The following IMPACT variants were observed in gnomAD, a reference collection of about 807,000 sequenced individuals.
IMPACT encodes protein IMPACT.
A neutral mutation model predicts 47.5 loss-of-function variants in IMPACT; 35 were observed. The ratio of observed to expected loss-of-function variants is 0.74; its 90% CI spans 0.56 to 0.98. The LOEUF is 0.98. Among genes scored for constraint, IMPACT ranks in the 50% least tolerant of loss-of-function variants. The pLI is 0.00. For missense variants in IMPACT, 373 were observed against 394.8 expected (o/e 0.94, Z 0.47); for synonymous variants, 118 against 125.6 (o/e 0.94, Z 0.40).
intron 4 of IMPACT, among the ~76,000 whole-genome samples, chr18:24,433,978 A>G (rs570114458): frequency 6.6e-6 from 1 of 152,138 alleles, no homozygotes; most frequent in South Asian, 2.1e-4. Context: ...GCCTTTTGTG[A>G]CAACTTTTAA....
In IMPACT at chr18:24,452,752, A is replaced by C. The variant is rs1353371939; in HGVS notation, c.*1905A>C. 30 of 151,936 alleles carry C rather than the reference A, an allele frequency of 2.0e-4. No homozygotes were observed. Among genetic ancestry groups the C allele is most frequent in the Admixed American group, 1.8e-3 (27 of 15,240 alleles). 9.4% of individuals were successfully genotyped at this position (151,936 alleles called of 1,614,324 possible). ...AGATTTTTCAGTTCTCCATATAATAATTTTCTACAATCAGATCTATGCTGT... is the reference window on the plus strand; with the variant it reads ...AGATTTTTCAGTTCTCCATATAATACTTTTCTACAATCAGATCTATGCTGT... On this transcript the variant is annotated 3_prime_UTR_variant, in exon 11 of 11. Transcript: ENST00000284202.
chr18:24,445,349 C>A, intron 7 of IMPACT, 44 bp from the exon 8 acceptor site: 1 of 1,136,052 alleles, frequency 8.8e-7, no homozygotes, highest in Non-Finnish European at 1.3e-6. Context: ...ATTTACAGAG[C>A]AAATATAAAA....
intron 1 of IMPACT, 164 bp downstream of exon 1, chr18:24,426,956 T>G: frequency 2.1e-6 from 1 of 476,240 alleles, no homozygotes; most frequent in Non-Finnish European, 3.3e-6. Context: ...GCGCTTCCCG[T>G]CGGCCGAGCG....
intron 4 of IMPACT, among the ~76,000 whole-genome samples, chr18:24,436,326 C>T (rs1458668338): frequency 6.6e-6 from 1 of 151,944 alleles, no homozygotes; most frequent in Non-Finnish European, 1.5e-5. Context: ...CTCACTTCAG[C>T]CTCCAAACTT....
chr18:24,435,956 A>G (rs546996596), intron 4 of IMPACT, among the ~76,000 whole-genome samples: 18 of 151,588 alleles, frequency 1.2e-4, no homozygotes, highest in Non-Finnish European at 1.9e-4. Flanking sequence ...AAAACCAATT[A>G]AAGTTTTCTG....
chr18:24,434,872 G>A (rs1025776211), intron 4 of IMPACT, among the ~76,000 whole-genome samples: 4 of 114,270 alleles, frequency 3.5e-5, no homozygotes, highest in African/African-American at 3.9e-5. Flanking sequence ...ATATATATGT[G>A]TATATATATG....
intron 8 of IMPACT, among the ~76,000 whole-genome samples, chr18:24,446,081 T>C (rs1419753817): frequency 1.3e-5 from 2 of 152,076 alleles, no homozygotes; most frequent in Non-Finnish European, 2.9e-5. Context: ...AAAGGTTTTG[T>C]TTTATTTTGG....
intron 7 of IMPACT, among the ~76,000 whole-genome samples, chr18:24,443,881 A>G (rs762041874): frequency 6.6e-6 from 1 of 152,214 alleles, no homozygotes; most frequent in Non-Finnish European, 1.5e-5. Flanking sequence ...AGCTTACATT[A>G]TTGATGTACG....
intron 4 of IMPACT, chr18:24,435,623 G>A (rs1464765978): frequency 6.6e-6 from 1 of 152,208 alleles, no homozygotes; most frequent in African/African-American, 2.4e-5. Flanking sequence ...TGCAATAGGG[G>A]AAGGAGGCCA....
chr18:24,445,495 C>T (rs1343462374), intron 8 of IMPACT, 29 bp downstream of exon 8: 5 of 1,337,778 alleles, frequency 3.7e-6, no homozygotes, highest in Non-Finnish European at 5.2e-6. Context: ...CTTTAGTATA[C>T]TCAGTTTGTT....
intron 4 of IMPACT, 77 bp downstream of exon 4, chr18:24,430,461 T>G (rs1400938104): frequency 2.0e-6 from 2 of 1,012,934 alleles, no homozygotes; most frequent in Admixed American, 5.0e-5. Context: ...GTGAACCCTT[T>G]GTTAGAACCT....
chr18:24,452,504 G>A lies in IMPACT; in HGVS notation c.*1657G>A, dbSNP rs934423897. On this transcript the variant is annotated 3_prime_UTR_variant, in exon 11 of 11. Coordinates refer to ENST00000284202, the MANE Select transcript of IMPACT (RefSeq NM_018439.4). ...CCTATGAAGGGAGATAGGAAACAATGAGAAACTTACTTTTGCTCCTTTATA... is the reference window on the plus strand; with the variant it reads ...CCTATGAAGGGAGATAGGAAACAATAAGAAACTTACTTTTGCTCCTTTATA... 6.6e-6 allele frequency: 1 copy of A among 152,020 alleles called. No homozygotes were observed. Among genetic ancestry groups the A allele is most frequent in the Admixed American group, 6.6e-5 (1 of 15,264 alleles). 9.4% of individuals were successfully genotyped at this position (152,020 alleles called of 1,614,324 possible).
At chr18:24,438,422 C>T (rs964792548) in intron 5 of IMPACT, among the ~76,000 whole-genome samples, 1 of 152,212 alleles carries the variant, frequency 6.6e-6, no homozygotes, top group Non-Finnish European at 1.5e-5. Context: ...AGGGTCTTGT[C>T]TAGGATTCTA....
chr18:24,432,463 T>C (rs1421276343), intron 4 of IMPACT, among the ~76,000 whole-genome samples: 1 of 152,180 alleles, frequency 6.6e-6, no homozygotes, highest in Non-Finnish European at 1.5e-5. Flanking sequence ...CCTCCCAAAA[T>C]ACTTAATTAG....
At position 24,441,919 on chromosome 18, in the gene IMPACT, C is replaced by G. The variant is rs866070223; in HGVS notation, c.491-1130C>G. Among the ~76,000 whole-genome samples, 39 of 152,278 alleles carry G rather than the reference C, an allele frequency of 2.6e-4. No individual in the cohort carries two copies. The Middle Eastern group carries it at 0.014, about 53-fold the overall frequency. Reference sequence around the variant, plus strand: ...TAAAAATCATACTCATAAATAAATACTATCAATTGGTCAGTAGTTCATATT... The same window carrying G: ...TAAAAATCATACTCATAAATAAATAGTATCAATTGGTCAGTAGTTCATATT... On this transcript the variant is annotated intron_variant, in intron 6 of 10. Coordinates refer to ENST00000284202, the MANE Select transcript of IMPACT (RefSeq NM_018439.4).
intron 1 of IMPACT, chr18:24,427,646 G>A (rs1356119752): frequency 2.7e-6 from 1 of 374,430 alleles, no homozygotes; most frequent in East Asian, 5.9e-5. Context: ...ACAAAGTATG[G>A]GAGTGCATAT....
At chr18:24,439,040 G>A (rs1909022600) in intron 5 of IMPACT, among the ~76,000 whole-genome samples, 1 of 152,068 alleles carries the variant, frequency 6.6e-6, no homozygotes, top group Non-Finnish European at 1.5e-5. Flanking sequence ...TGAATGTTGC[G>A]GTTTGAAAAC....
rs906520582 is a variant in IMPACT, at chr18:24,453,282, A to C, written c.*2435A>C. Reference sequence around the variant, plus strand: ...GTATGAAGCGGATGCTGTTTGGAGGACAGGAAAATTTATCGGGAAAATTAC... The same window carrying C: ...GTATGAAGCGGATGCTGTTTGGAGGCCAGGAAAATTTATCGGGAAAATTAC... On this transcript the variant is annotated 3_prime_UTR_variant, in exon 11 of 11. Transcript: ENST00000284202. The C allele has an allele frequency of 6.6e-6, 1 of 152,218 alleles. No homozygotes were observed. The highest frequency in any genetic ancestry group is 2.4e-5 in the African/African-American group (1 of 41,456). 9.4% of individuals were successfully genotyped at this position (152,218 alleles called of 1,614,324 possible).
At chr18:24,430,263 A>T in intron 3 of IMPACT, 59 bp from the exon 4 acceptor site, 1 of 1,152,746 alleles carries the variant, frequency 8.7e-7, no homozygotes, top group Non-Finnish European at 1.2e-6. Context: ...TGTAATCTGT[A>T]ATTTGAGGTA....
Sources: gnomAD v4.1 joint callset for allele counts (sites outside exome capture counted in the v4.1 genomes callset) on GRCh38, gnomAD v4.1.1 for gene constraint, MANE v1.5 for transcripts, NCBI Gene and HGNC (gene_info 2026-07-23, HGNC 2026-07-21) for gene names.